Variants in UBE2E2 observed in about 807,000 individuals in gnomAD.
UBE2E2 encodes the protein ubiquitin conjugating enzyme E2 E2, also known as ubiquitin-conjugating enzyme E2 E2.
UBE2E2 carries 6 observed loss-of-function variants against 24.7 expected under a neutral mutation model. That is an observed-to-expected ratio of 0.24 (90% CI 0.13 to 0.48). The LOEUF is 0.48. Ranked by LOEUF, UBE2E2 falls within the 20% of genes least tolerant of loss-of-function variation. The pLI is 0.99. For missense variants in UBE2E2, 169 were observed against 245.0 expected (o/e 0.69, Z 2.07); for synonymous variants, 104 against 83.6 (o/e 1.24, Z -1.33).
intron 3 of UBE2E2, among the ~76,000 whole-genome samples, chr3:23,238,853 C>T: frequency 6.6e-6 from 1 of 152,090 alleles, no homozygotes; most frequent in East Asian, 1.9e-4. Context: ...TGTGGAGTTT[C>T]CCACTTGTGG....
At chr3:23,210,482 T>A (rs1468045584) in intron 2 of UBE2E2, among the ~76,000 whole-genome samples, 2 of 152,210 alleles carry the variant, frequency 1.3e-5, no homozygotes, top group Middle Eastern at 3.2e-3. Context: ...AAATTCTGCT[T>A]ATGAAAGATG....
At chr3:23,441,944 T>A (rs1168625661) in intron 3 of UBE2E2, among the ~76,000 whole-genome samples, 1 of 152,196 alleles carries the variant, frequency 6.6e-6, no homozygotes, top group Non-Finnish European at 1.5e-5. Flanking sequence ...ACTTTAAGAA[T>A]GTTATTACAA....
At chr3:23,469,678 T>A (rs1698994228) in intron 3 of UBE2E2, among the ~76,000 whole-genome samples, 1 of 152,186 alleles carries the variant, frequency 6.6e-6, no homozygotes, top group Admixed American at 6.5e-5. Flanking sequence ...AATGCATACA[T>A]CAGGTTTGAC....
intron 3 of UBE2E2, among the ~76,000 whole-genome samples, chr3:23,243,559 T>G (rs1697311204): frequency 6.6e-6 from 1 of 152,214 alleles, no homozygotes; most frequent in African/African-American, 2.4e-5. Context: ...ATTAATGGCT[T>G]TAAGAAAATC....
At chr3:23,305,793 A>C (rs774573659) in intron 3 of UBE2E2, among the ~76,000 whole-genome samples, 3 of 152,098 alleles carry the variant, frequency 2.0e-5, no homozygotes, top group Non-Finnish European at 2.9e-5. Flanking sequence ...ATAGTGGTAT[A>C]ATCACAGCTT....
Position 23,354,049 on chromosome 3 carries a change from G to A in UBE2E2, c.227+136737G>A, listed in dbSNP as rs1456913208. On this transcript the variant is annotated intron_variant, in intron 3 of 5. Coordinates refer to ENST00000396703, the MANE Select transcript of UBE2E2 (RefSeq NM_152653.4). ...GGTACCAAAACAGAGATATAGATCAGCGGAACAGAACAGAGCCCTCAGAAA... is the reference window on the plus strand; with the variant it reads ...GGTACCAAAACAGAGATATAGATCAACGGAACAGAACAGAGCCCTCAGAAA... 7.1e-4 allele frequency among the ~76,000 whole-genome samples: 108 copies of A among 152,142 alleles called. 3 individuals carry two copies. The East Asian group carries it at 0.015, about 21-fold the overall frequency.
intron 3 of UBE2E2, among the ~76,000 whole-genome samples, chr3:23,428,641 C>G (rs1032906315): frequency 5.9e-5 from 9 of 151,678 alleles, no homozygotes; most frequent in African/African-American, 1.7e-4. Flanking sequence ...CAATAAGCCT[C>G]CAAAAAAAGA....
Position 23,407,619 on chromosome 3 carries a change from GTGTGTGTGTTTGTGTGTGCATGCGTGCA to G in UBE2E2, c.228-91979_228-91952del, listed in dbSNP as rs1277108293. 2.7e-5 allele frequency among the ~76,000 whole-genome samples: 4 copies of G among 148,558 alleles called. No homozygotes were observed. Among genetic ancestry groups the G allele is most frequent in the Non-Finnish European group, 5.9e-5 (4 of 67,638 alleles). ...TATGTTTGTTTTGGGAGGAGTGCAT[GTGTGTGTGTTTGTGTGTGCATGCGTGCA>G]TGTGTGTGTGTGTGTGTGTGTGTGT... is the stretch of plus-strand genomic sequence containing the variant. On this transcript the variant is annotated intron_variant, in intron 3 of 5. Transcript: ENST00000396703. This position sits in a 1 kb window ranked among gnomAD's most constrained non-coding sequence, Gnocchi z 4.0.
rs1042974662 is a variant in UBE2E2, at chr3:23,589,659, C to T, written c.509-75C>T. 4.0e-6 allele frequency: 6 copies of T among 1,512,866 alleles called. No homozygotes were observed. The African/African-American group carries it at 6.9e-5, about 17-fold the overall frequency. 93.7% of individuals were successfully genotyped at this position (1,512,866 alleles called of 1,614,324 possible). On this transcript the variant is annotated intron_variant, in intron 5 of 5. Coordinates refer to ENST00000396703, the MANE Select transcript of UBE2E2 (RefSeq NM_152653.4). This position sits in a 1 kb window ranked among gnomAD's most constrained non-coding sequence, Gnocchi z 4.1. ...GCTTCTCATCTCCTACCCTCCCACT[C>T]CTTGCCAGCTTTCTGAACACTTCTT...
chr3:23,412,201 C>A (rs1209283656), intron 3 of UBE2E2, among the ~76,000 whole-genome samples: 1 of 151,890 alleles, frequency 6.6e-6, no homozygotes, highest in Non-Finnish European at 1.5e-5. Flanking sequence ...AAATGTAGAC[C>A]ATAGTCGATG....
intron 3 of UBE2E2, among the ~76,000 whole-genome samples, chr3:23,339,160 G>A (rs553713921): frequency 2.6e-5 from 4 of 152,100 alleles, no homozygotes; most frequent in Non-Finnish European, 5.9e-5. Context: ...TTGACAAAAT[G>A]CATATCCTGA....
intron 3 of UBE2E2, chr3:23,271,205 T>G (rs546952361): frequency 3.6e-5 from 14 of 391,812 alleles, no homozygotes; most frequent in East Asian, 3.5e-4. Context: ...ACTTCAAGAA[T>G]GAAGCCACGG....
chr3:23,338,832 T>C (rs1211141690), intron 3 of UBE2E2, among the ~76,000 whole-genome samples: 1 of 152,174 alleles, frequency 6.6e-6, no homozygotes, highest in African/African-American at 2.4e-5. Flanking sequence ...TGCCATGGAA[T>C]TCCAATTAGT....
chr3:23,279,756 A>C (rs1459613254), intron 3 of UBE2E2, among the ~76,000 whole-genome samples: 2 of 152,226 alleles, frequency 1.3e-5, no homozygotes, highest in African/African-American at 4.8e-5. Context: ...GTGGTCTACC[A>C]GAGTCAGTTG....
rs142814562 is a variant in UBE2E2, at chr3:23,223,732, T to C, written c.227+6420T>C. On this transcript the variant is annotated intron_variant, in intron 3 of 5. Coordinates refer to ENST00000396703, the MANE Select transcript of UBE2E2 (RefSeq NM_152653.4). ...TTGGTTGCCTGTGCTTTTGAGATCTTACACAAGAAATCTTTGCCCAGACCA... is the reference window on the plus strand; with the variant it reads ...TTGGTTGCCTGTGCTTTTGAGATCTCACACAAGAAATCTTTGCCCAGACCA... Among the ~76,000 whole-genome samples the C allele has an allele frequency of 6.4e-3, 969 of 152,282 alleles. 14 individuals are homozygous for C. Among genetic ancestry groups the C allele is most frequent in the African/African-American group, 0.022 (897 of 41,562 alleles).
chr3:23,252,154 G>A (rs1220545021), intron 3 of UBE2E2, among the ~76,000 whole-genome samples: 1 of 152,144 alleles, frequency 6.6e-6, no homozygotes, highest in African/African-American at 2.4e-5. Context: ...TATCTTGGTG[G>A]TTTAAATTTA....
chr3:23,477,865 T>C (rs996433682), intron 3 of UBE2E2, among the ~76,000 whole-genome samples: 1 of 152,184 alleles, frequency 6.6e-6, no homozygotes, highest in African/African-American at 2.4e-5. Context: ...GCTGTTCTTT[T>C]GACAGTGAGT....
intron 3 of UBE2E2, among the ~76,000 whole-genome samples, chr3:23,300,001 G>A (rs1159164290): frequency 6.6e-6 from 1 of 152,022 alleles, no homozygotes. Flanking sequence ...AGGATAGTTA[G>A]CTCTTCTTGT....
chr3:23,547,972 G>A (rs1336697781), intron 5 of UBE2E2, among the ~76,000 whole-genome samples: 4 of 152,174 alleles, frequency 2.6e-5, no homozygotes, highest in African/African-American at 9.7e-5. Context: ...GGGACCTGGT[G>A]TGAATACCGG....
Sources: allele counts gnomAD v4.1 joint callset (sites outside exome capture counted in the v4.1 genomes callset), GRCh38; gene constraint gnomAD v4.1.1; non-coding constraint Gnocchi (gnomAD v3.1); transcripts MANE v1.5; gene names NCBI Gene and HGNC (gene_info 2026-07-23, HGNC 2026-07-21).